Variants in DNM1L observed in about 807,000 individuals in gnomAD.
The protein encoded by DNM1L is dynamin-1-like protein.
In DNM1L, 33 loss-of-function variants were observed where a neutral mutation model predicts 92.8. That is an observed-to-expected ratio of 0.36 (90% CI 0.27 to 0.48). The LOEUF is 0.48. Ranked by LOEUF, DNM1L falls within the 20% of genes least tolerant of loss-of-function variation. DNM1L has a pLI of 0.99. For synonymous variants in DNM1L, 284 were observed against 305.0 expected, an observed-to-expected ratio of 0.93 and a Z score of 0.72; for missense variants, 485 against 888.8, an observed-to-expected ratio of 0.55 and a Z score of 5.78.
At chr12:32,683,958 G>A (rs562744990) in intron 1 of DNM1L, among the ~76,000 whole-genome samples, 69 of 152,312 alleles carry the variant, frequency 4.5e-4, no homozygotes, top group African/African-American at 1.5e-3. Context: ...ACAGGTATGA[G>A]CCACCATGCC....
intron 1 of DNM1L, 108 bp from the exon 2 acceptor site, chr12:32,701,306 AT>A: frequency 2.9e-6 from 3 of 1,038,316 alleles, no homozygotes; most frequent in East Asian, 2.6e-5. Flanking sequence ...CTCTGCACTA[AT>A]TTTTCCTTTA....
At chr12:32,735,124 T>G (rs1306302614) in intron 13 of DNM1L, among the ~76,000 whole-genome samples, 1 of 152,230 alleles carries the variant, frequency 6.6e-6, no homozygotes, top group Non-Finnish European at 1.5e-5. Flanking sequence ...GTAGTTCTGT[T>G]ACACTGACAA....
At chr12:32,724,338 G>T (rs1953961718) in intron 9 of DNM1L, among the ~76,000 whole-genome samples, 1 of 151,928 alleles carries the variant, frequency 6.6e-6, no homozygotes, top group Non-Finnish European at 1.5e-5. Flanking sequence ...AGCACTTTGG[G>T]AGGCTGAGGC....
intron 6 of DNM1L, among the ~76,000 whole-genome samples, chr12:32,717,424 ATACTATATATAT>A (rs1275405972): frequency 1.6e-4 from 8 of 49,148 alleles, no homozygotes; most frequent in African/African-American, 1.3e-3. Context: ...TTTTAAATAT[ATACTATATATAT>A]TTTAAATATA....
intron 19 of DNM1L, 63 bp from the exon 20 acceptor site, chr12:32,743,291 G>A (rs1190465235): frequency 1.9e-5 from 27 of 1,450,374 alleles, no homozygotes; most frequent in Middle Eastern, 4.4e-4. Context: ...ATTACCCTGC[G>A]TAATTCAGAT....
rs748383307 is a variant in DNM1L, at chr12:32,701,689, A to G, written c.250+127A>G. On this transcript the variant is annotated intron_variant, in intron 2 of 19. Transcript: ENST00000549701. ...CATAGTTAGAAGTCCTGTGAGAAGT[A>G]GTATGCATCTTTCTTAATGTAAAAA... 3 of 835,914 alleles carry G rather than the reference A, an allele frequency of 3.6e-6. 1 individual carries two copies. The highest frequency in any genetic ancestry group is 5.8e-6 in the Non-Finnish European group (3 of 518,138). The allele number at this position is 835,914 out of a possible 1,614,324, so 51.8% of individuals were successfully genotyped here.
chr12:32,716,167 G>A (rs1357355975), intron 6 of DNM1L, among the ~76,000 whole-genome samples: 2 of 150,158 alleles, frequency 1.3e-5, no homozygotes, highest in Admixed American at 6.7e-5. Flanking sequence ...ATCTGATTTC[G>A]TTTATATAAC....
chr12:32,696,691 C>T (rs1952481625), intron 1 of DNM1L, among the ~76,000 whole-genome samples: 1 of 150,860 alleles, frequency 6.6e-6, no homozygotes, highest in African/African-American at 2.4e-5. Flanking sequence ...ATGGCGTGAT[C>T]TCGGCTCACT....
intron 1 of DNM1L, among the ~76,000 whole-genome samples, chr12:32,695,008 A>C (rs540421000): frequency 6.6e-6 from 1 of 152,268 alleles, no homozygotes; most frequent in African/African-American, 2.4e-5. Flanking sequence ...AAACTAACCA[A>C]AGCTCCCTTC....
intron 4 of DNM1L, among the ~76,000 whole-genome samples, 198 bp downstream of exon 4, chr12:32,708,422 A>AT (rs1272791303): frequency 2.0e-5 from 3 of 152,214 alleles, no homozygotes; most frequent in Non-Finnish European, 4.4e-5. Flanking sequence ...AACTTTGCTT[A>AT]AAATCCCTTT....
At chr12:32,684,477 C>CTTTTTTTTTTTTTTTTTTTTTTTTTTTT (rs768276200) in intron 1 of DNM1L, among the ~76,000 whole-genome samples, 2 of 146,094 alleles carry the variant, frequency 1.4e-5, no homozygotes, top group African/African-American at 2.5e-5. Context: ...CAACATAATT[C>CTTTTTTTTTTTTTTTTTTTTTTTTTTTT]TTTTTTTTTT....
rs1409112975 is a variant in DNM1L, at chr12:32,717,909, A to AC, written c.620-734_620-733insC. On this transcript the variant is annotated intron_variant, in intron 6 of 19. Coordinates refer to ENST00000549701, the MANE Select transcript of DNM1L (RefSeq NM_012062.5). The stretch of plus-strand genomic sequence containing the variant: ...TTTATATATACTATATATAGTATAT[A>AC]TATAAAATATAGTATATATTTTATA... Among the ~76,000 whole-genome samples, 74 of 81,454 alleles carry AC rather than the reference A, an allele frequency of 9.1e-4. 1 individual carries two copies. The highest frequency in any genetic ancestry group is 7.0e-3 in the South Asian group (23 of 3,294). 53.4% of individuals were successfully genotyped at this position (81,454 alleles called of 152,430 possible).
intron 1 of DNM1L, chr12:32,679,744 A>C: frequency 8.9e-7 from 1 of 1,126,880 alleles, no homozygotes; most frequent in Non-Finnish European, 1.1e-6. Context: ...CAGGAGAGGG[A>C]AGGATGGGGC....
chr12:32,714,007 T>G (rs939030632), intron 6 of DNM1L, among the ~76,000 whole-genome samples: 1 of 152,198 alleles, frequency 6.6e-6, no homozygotes, highest in African/African-American at 2.4e-5. Context: ...TCACTGATGC[T>G]TGACTAATGA....
intron 16 of DNM1L, 96 bp from the exon 17 acceptor site, chr12:32,739,968 C>G (rs1955170350): frequency 2.0e-6 from 3 of 1,496,804 alleles, no homozygotes; most frequent in Non-Finnish European, 2.8e-6. Context: ...CAGATGGGTA[C>G]TGGATGTATA....
intron 1 of DNM1L, among the ~76,000 whole-genome samples, chr12:32,688,495 G>A (rs576268921): frequency 6.6e-6 from 1 of 152,154 alleles, no homozygotes; most frequent in African/African-American, 2.4e-5. Context: ...AGCTGCTGTG[G>A]CCCCTATGGT....
At chr12:32,730,914 C>G in intron 9 of DNM1L, 100 bp from the exon 10 acceptor site, 1 of 1,550,294 alleles carries the variant, frequency 6.5e-7, no homozygotes, top group Non-Finnish European at 8.8e-7. Flanking sequence ...GAGGCTTTCT[C>G]AGAAAATAAG....
Position 32,742,576 on chromosome 12 carries a change from TTG to T in DNM1L, c.1995-9_1995-8del, listed in dbSNP as rs1005661209. ...TTTTGGCTAAAATTCCATAATTTGG[TTG>T]TGTTTTGCAGTGTGCCAAAGGCAGT... On this transcript the variant is annotated splice_polypyrimidine_tract_variant and intron_variant, in intron 18 of 19. Transcript: ENST00000549701. The T allele has an allele frequency of 1.5e-5, 24 of 1,613,762 alleles. No homozygotes were observed. The highest frequency in any genetic ancestry group is 1.9e-5 in the Non-Finnish European group (22 of 1,179,828).
At chr12:32,739,598 A>G (rs1955139441) in intron 16 of DNM1L, among the ~76,000 whole-genome samples, 1 of 152,228 alleles carries the variant, frequency 6.6e-6, no homozygotes, top group Non-Finnish European at 1.5e-5. Context: ...AAATTGAGAA[A>G]CATATAAACT....
Sources: gnomAD v4.1 joint callset for allele counts (sites outside exome capture counted in the v4.1 genomes callset) on GRCh38, gnomAD v4.1.1 for gene constraint, MANE v1.5 for transcripts, NCBI Gene and HGNC (gene_info 2026-07-23, HGNC 2026-07-21) for gene names.